LRRTM4: variants seen among roughly 807,000 people sequenced by gnomAD.
The protein encoded by LRRTM4 is leucine-rich repeat transmembrane neuronal protein 4.
Under a neutral mutation model 47.6 loss-of-function variants are expected in LRRTM4, and 25 were observed. The ratio of observed to expected loss-of-function variants is 0.53; its 90% CI spans 0.38 to 0.73. The LOEUF (loss-of-function observed/expected upper bound fraction) is 0.73, where lower values mean the gene tolerates loss of function less well. Ranked by LOEUF, LRRTM4 falls within the 30% of genes least tolerant of loss-of-function variation. LRRTM4 has a pLI of 0.00. For synonymous variants in LRRTM4, 311 were observed against 269.5 expected (o/e 1.15, Z -1.51); for missense variants, 638 against 713.4 (o/e 0.89, Z 1.20).
At chr2:76,776,625 T>C (rs1674009442) in intron 3 of LRRTM4, among the ~76,000 whole-genome samples, 1 of 151,816 alleles carries the variant, frequency 6.6e-6, no homozygotes, top group Non-Finnish European at 1.5e-5. Context: ...TTCTTGTAAA[T>C]TTGTTTGAGT....
chr2:77,259,302 A>G (rs1314348350), intron 3 of LRRTM4, among the ~76,000 whole-genome samples: 1 of 152,120 alleles, frequency 6.6e-6, no homozygotes, highest in African/African-American at 2.4e-5. Context: ...AAGTGGAAAC[A>G]ATAATACTGT....
intron 3 of LRRTM4, among the ~76,000 whole-genome samples, chr2:76,999,549 G>A (rs773955712): frequency 5.3e-5 from 8 of 151,936 alleles, no homozygotes; most frequent in Non-Finnish European, 4.4e-5. Flanking sequence ...GAGCCTAGGC[G>A]GGCCAAAACA....
intron 3 of LRRTM4, among the ~76,000 whole-genome samples, chr2:77,486,544 T>C (rs560701372): frequency 1.9e-4 from 29 of 152,098 alleles, no homozygotes; most frequent in Non-Finnish European, 2.9e-4. Context: ...ATATTTCTCA[T>C]GAAAAAATAA....
At chr2:77,221,632 G>A (rs1006007274) in intron 3 of LRRTM4, among the ~76,000 whole-genome samples, 32 of 152,020 alleles carry the variant, frequency 2.1e-4, no homozygotes, top group Admixed American at 9.2e-4. Context: ...ATGGTAAAGG[G>A]ATCAATTCAA....
At chr2:76,767,525 C>T (rs972428041) in intron 3 of LRRTM4, among the ~76,000 whole-genome samples, 13 of 152,098 alleles carry the variant, frequency 8.5e-5, no homozygotes, top group Non-Finnish European at 1.6e-4. Context: ...AATACTATCT[C>T]GTGTAGATAC....
chr2:76,950,590 AT>A (rs1008198941), intron 3 of LRRTM4, among the ~76,000 whole-genome samples: 22 of 151,494 alleles, frequency 1.5e-4, no homozygotes, highest in East Asian at 7.8e-4. Context: ...CTTAATATGG[AT>A]TTTTTTTTGA....
At chr2:77,125,749 A>G (rs1183390968) in intron 3 of LRRTM4, among the ~76,000 whole-genome samples, 3 of 152,062 alleles carry the variant, frequency 2.0e-5, no homozygotes, top group Non-Finnish European at 2.9e-5. Flanking sequence ...AAATTTAGAT[A>G]CCATTCCTAA....
chr2:77,216,779 G>A (rs922935951), intron 3 of LRRTM4, among the ~76,000 whole-genome samples: 1 of 149,038 alleles, frequency 6.7e-6, no homozygotes, highest in Non-Finnish European at 1.5e-5. Flanking sequence ...CACTTAGAGA[G>A]GTTTTTGAAA....
At chr2:77,244,473 A>G (rs969220124) in intron 3 of LRRTM4, among the ~76,000 whole-genome samples, 1 of 152,136 alleles carries the variant, frequency 6.6e-6, no homozygotes, top group Non-Finnish European at 1.5e-5. Flanking sequence ...TACCTAGATT[A>G]AAAAATAATT....
chr2:77,385,966 A>G (rs890555694), intron 3 of LRRTM4, among the ~76,000 whole-genome samples: 3 of 151,626 alleles, frequency 2.0e-5, no homozygotes, highest in African/African-American at 7.3e-5. Flanking sequence ...CATGTTTGCC[A>G]GGCTGATCTC....
intron 3 of LRRTM4, among the ~76,000 whole-genome samples, chr2:77,044,602 A>G (rs1235192709): frequency 6.6e-6 from 1 of 151,124 alleles, no homozygotes; most frequent in East Asian, 1.9e-4. Context: ...TGGGAGTGAA[A>G]ACTAGTTTAT....
chr2:76,919,675 A>T (rs903579314), intron 3 of LRRTM4, among the ~76,000 whole-genome samples: 1 of 152,190 alleles, frequency 6.6e-6, no homozygotes, highest in Non-Finnish European at 1.5e-5. Flanking sequence ...GAATGGCTTT[A>T]CGTGAAATAT....
chr2:76,756,750 C>G (rs1673043846), intron 3 of LRRTM4, among the ~76,000 whole-genome samples: 1 of 151,970 alleles, frequency 6.6e-6, no homozygotes, highest in South Asian at 2.1e-4. Flanking sequence ...ATCTCCCTCC[C>G]TAAAGAGAAG....
intron 3 of LRRTM4, among the ~76,000 whole-genome samples, chr2:77,172,379 G>A (rs1362280515): frequency 9.2e-5 from 14 of 152,032 alleles, no homozygotes; most frequent in Admixed American, 9.2e-4. Context: ...GGTAGATCAC[G>A]AGATCAGGAG....
At chr2:76,897,114 G>A (rs1205708603) in intron 3 of LRRTM4, among the ~76,000 whole-genome samples, 1 of 152,062 alleles carries the variant, frequency 6.6e-6, no homozygotes, top group Non-Finnish European at 1.5e-5. Flanking sequence ...ATGCTCCAAT[G>A]AGTTTGAAAG....
chr2:76,993,064 A>G (rs897540897), intron 3 of LRRTM4, among the ~76,000 whole-genome samples: 1 of 151,778 alleles, frequency 6.6e-6, no homozygotes, highest in African/African-American at 2.4e-5. Context: ...ATACCTGGCT[A>G]ATCTGTCTGA....
chr2:77,142,899 A>C (rs754469948), intron 3 of LRRTM4, among the ~76,000 whole-genome samples: 1 of 151,972 alleles, frequency 6.6e-6, no homozygotes, highest in Non-Finnish European at 1.5e-5. Context: ...TCCCAAGGTT[A>C]CTCCTCTTGT....
At chr2:77,109,877 C>G (rs1192043022) in intron 3 of LRRTM4, among the ~76,000 whole-genome samples, 1 of 151,266 alleles carries the variant, frequency 6.6e-6, no homozygotes, top group Non-Finnish European at 1.5e-5. Context: ...AAATTATAGA[C>G]AAATGTCTTA....
chr2:77,140,603 AC>A (rs1400417268), intron 3 of LRRTM4, among the ~76,000 whole-genome samples: 4 of 152,190 alleles, frequency 2.6e-5, no homozygotes, highest in African/African-American at 9.7e-5. Flanking sequence ...AGCAATGGCA[AC>A]AAAAGCCAAA....
Sources: gnomAD v4.1 joint callset for allele counts (sites outside exome capture counted in the v4.1 genomes callset) on GRCh38, gnomAD v4.1.1 for gene constraint, MANE v1.5 for transcripts, NCBI Gene and HGNC (gene_info 2026-07-23, HGNC 2026-07-21) for gene names.